The following EIF4G3 variants were observed in gnomAD, a reference collection of about 807,000 sequenced individuals.
EIF4G3 encodes the protein eukaryotic translation initiation factor 4 gamma 3.
Under a neutral mutation model 186.4 loss-of-function variants are expected in EIF4G3, and 34 were observed. The observed-to-expected ratio is 0.18, with a 90% confidence interval of 0.14 to 0.24. The LOEUF is 0.24. Among genes scored for constraint, EIF4G3 ranks in the 10% least tolerant of loss-of-function variants. EIF4G3 has a pLI of 1.00. For synonymous variants in EIF4G3, 673 were observed against 679.5 expected, an observed-to-expected ratio of 0.99 and a Z score of 0.15; for missense variants, 1,536 against 1,948.5, an observed-to-expected ratio of 0.79 and a Z score of 3.99.
intron 4 of EIF4G3, among the ~76,000 whole-genome samples, chr1:21,019,895 A>G (rs1025744195): frequency 6.6e-6 from 1 of 152,158 alleles, no homozygotes; most frequent in Non-Finnish European, 1.5e-5. Context: ...AACAAAACAA[A>G]ACAAAACAAA....
intron 20 of EIF4G3, among the ~76,000 whole-genome samples, chr1:20,875,277 C>G (rs2080428103): frequency 6.6e-6 from 1 of 152,212 alleles, no homozygotes; most frequent in South Asian, 2.1e-4. Context: ...AGCCACTGCA[C>G]CTGGTCCTAG....
At position 20,963,931 on chromosome 1, in the gene EIF4G3, C is replaced by CAA. The variant is rs35997561; in HGVS notation, c.714+5541_714+5542dup. Among the ~76,000 whole-genome samples the CAA allele has an allele frequency of 2.1e-3, 263 of 122,480 alleles. 1 individual carries two copies. Among genetic ancestry groups the CAA allele is most frequent in the Middle Eastern group, 4.3e-3 (1 of 230 alleles). 80.4% of individuals were successfully genotyped at this position (122,480 alleles called of 152,430 possible). A position where few individuals can be genotyped will look rare whatever the true frequency, so the allele number is the denominator to read the frequency against. The stretch of plus-strand genomic sequence containing the variant: ...TGACAGAGTGAGTGAGACTCCATCT[C>CAA]AAAAAAAAAAAAAAAAAATTAAGTG... On this transcript the variant is annotated intron_variant, in intron 12 of 36. Transcript: ENST00000602326.
intron 25 of EIF4G3, 84 bp from the exon 26 acceptor site, chr1:20,855,155 G>A (rs895594102): frequency 9.2e-7 from 1 of 1,083,972 alleles, no homozygotes; most frequent in Non-Finnish European, 1.3e-6. Flanking sequence ...CTTCAGTGAA[G>A]TAGAACCAAT....
rs938879197 is a variant in EIF4G3 at position 21,099,695 on chromosome 1, T to C, written c.-271-10482A>G. 3.9e-5 allele frequency among the ~76,000 whole-genome samples: 6 copies of C among 152,154 alleles called. No individual in the cohort carries two copies. The East Asian group carries it at 7.7e-4, about 20-fold the overall frequency. On this transcript the variant is annotated intron_variant, in intron 2 of 36. Coordinates refer to ENST00000602326, the MANE Select transcript of EIF4G3 (RefSeq NM_001391906.1). ...AGAGTTTATCCACAAAGGGACATCA[T>C]TGAAGGAATATAACAGGGTAAATGG... is the stretch of plus-strand genomic sequence containing the variant.
chr1:21,171,144 G>A (rs909585152), intron 2 of EIF4G3, among the ~76,000 whole-genome samples: 3 of 152,154 alleles, frequency 2.0e-5, no homozygotes, highest in East Asian at 1.9e-4. Context: ...TTCAGAAGTC[G>A]CTTGGGATCC....
chr1:20,985,299 A>G (rs12760233), intron 7 of EIF4G3, among the ~76,000 whole-genome samples: 4,373 of 152,206 alleles, frequency 0.029, 100 homozygotes, highest in Non-Finnish European at 0.04. Context: ...CCAATTCTCT[A>G]TCTCCCAAAA....
intron 14 of EIF4G3, among the ~76,000 whole-genome samples, chr1:20,907,190 T>A (rs971979582): frequency 5.9e-5 from 9 of 152,096 alleles, no homozygotes. Flanking sequence ...GGCAAAGACA[T>A]AGATTGTTTC....
At chr1:21,158,211 T>C (rs1372728529) in intron 2 of EIF4G3, among the ~76,000 whole-genome samples, 1 of 144,758 alleles carries the variant, frequency 6.9e-6, no homozygotes, top group East Asian at 2.1e-4. Context: ...GATCTCACTC[T>C]GTCACCCAGG....
intron 3 of EIF4G3, among the ~76,000 whole-genome samples, chr1:21,060,067 T>G (rs554590796): frequency 6.6e-6 from 1 of 152,342 alleles, no homozygotes; most frequent in East Asian, 1.9e-4. Flanking sequence ...TCCTCCCACT[T>G]CAGCCTCCTG....
chr1:20,959,310 G>A (rs2096516294), intron 12 of EIF4G3, among the ~76,000 whole-genome samples: 1 of 152,058 alleles, frequency 6.6e-6, no homozygotes, highest in African/African-American at 2.4e-5. Flanking sequence ...TTTAACAAAT[G>A]GTGCTGGCAA....
At position 20,962,908 on chromosome 1, in the gene EIF4G3, G is replaced by GT. The variant is rs66593105; in HGVS notation, c.714+6565dup. Among the ~76,000 whole-genome samples, 634 of 139,168 alleles carry GT rather than the reference G, an allele frequency of 4.6e-3. 4 individuals are homozygous for GT. Among genetic ancestry groups the GT allele is most frequent in the Middle Eastern group, 0.011 (3 of 274 alleles). 91.3% of individuals were successfully genotyped at this position (139,168 alleles called of 152,430 possible). A position where few individuals can be genotyped will look rare whatever the true frequency, so the allele number is the denominator to read the frequency against. On this transcript the variant is annotated intron_variant, in intron 12 of 36. Transcript: ENST00000602326. ...ATGTAATATTGCCTCTTGTAGTTTT[G>GT]TTTTTTTTTTGTTTTTTTTTTTTTT...
intron 2 of EIF4G3, among the ~76,000 whole-genome samples, chr1:21,125,771 TACACACACACACACACACACAC>T (rs59291288): frequency 6.2e-5 from 9 of 146,168 alleles, no homozygotes; most frequent in Non-Finnish European, 9.0e-5. Context: ...TATATATATA[TACACACACACACACACACACAC>T]ACACACACAC....
chr1:21,157,375 T>C (rs1208652569), intron 2 of EIF4G3, among the ~76,000 whole-genome samples: 1 of 152,104 alleles, frequency 6.6e-6, no homozygotes, highest in East Asian at 1.9e-4. Flanking sequence ...TTTTTTTGTT[T>C]GTTTTTTTTT....
rs765288097 is a variant in EIF4G3, at chr1:20,847,860, A to C, written c.3888+1555T>G. 3 of 471,594 alleles carry C rather than the reference A, an allele frequency of 6.4e-6. No homozygotes were observed. In the East Asian group the frequency reaches 2.1e-4, roughly 33 times the overall value. 29.2% of individuals were successfully genotyped at this position (471,594 alleles called of 1,614,324 possible). ...TTCTACTTCTTCTGAATTTTGAAGAATTTCAGAGGCTTGAAGGCTTTAGAA... is the reference window on the plus strand; with the variant it reads ...TTCTACTTCTTCTGAATTTTGAAGACTTTCAGAGGCTTGAAGGCTTTAGAA... On this transcript the variant is annotated intron_variant, in intron 29 of 36. Transcript: ENST00000602326.
intron 3 of EIF4G3, among the ~76,000 whole-genome samples, chr1:21,067,131 C>CTTTTT (rs1392802757): frequency 5.6e-4 from 69 of 122,590 alleles, no homozygotes; most frequent in East Asian, 7.0e-4. Context: ...TTTTTCTTTT[C>CTTTTT]TTTTTTTTTT....
chr1:21,098,238 T>C (rs562351741), intron 2 of EIF4G3, among the ~76,000 whole-genome samples: 1 of 152,160 alleles, frequency 6.6e-6, no homozygotes, highest in South Asian at 2.1e-4. Context: ...AGGATTTGTA[T>C]CTAGGATACA....
chr1:21,171,359 CTG>C (rs1237839843), intron 2 of EIF4G3, among the ~76,000 whole-genome samples: 1 of 152,206 alleles, frequency 6.6e-6, no homozygotes, highest in African/African-American at 2.4e-5. Context: ...AATGAACTAA[CTG>C]TATCATCACC....
In EIF4G3 at chr1:21,016,302, A is replaced by T. The variant is rs897483899; in HGVS notation, c.-66-13494T>A. Among the ~76,000 whole-genome samples the T allele has an allele frequency of 6.6e-5, 10 of 152,212 alleles. 1 individual carries two copies. Among genetic ancestry groups the T allele is most frequent in the Admixed American group, 5.9e-4 (9 of 15,274 alleles). ...AATTCTGTAGACTACACATAAAATGAAACAAAAAGAGAATCAAAATGTGTC... is the reference window on the plus strand; with the variant it reads ...AATTCTGTAGACTACACATAAAATGTAACAAAAAGAGAATCAAAATGTGTC... On this transcript the variant is annotated intron_variant, in intron 4 of 36. Transcript: ENST00000602326.
intron 3 of EIF4G3, among the ~76,000 whole-genome samples, chr1:21,058,719 C>CTTTTTTTTTT (rs66576703): frequency 2.4e-5 from 2 of 82,014 alleles, no homozygotes; most frequent in African/African-American, 5.3e-5. Flanking sequence ...CTCTCTCTCT[C>CTTTTTTTTTT]TTTTTTTTTT....
Sources: gnomAD v4.1 joint callset for allele counts (sites outside exome capture counted in the v4.1 genomes callset) on GRCh38, gnomAD v4.1.1 for gene constraint, MANE v1.5 for transcripts, NCBI Gene and HGNC (gene_info 2026-07-23, HGNC 2026-07-21) for gene names.